ANKS1B: variants seen among roughly 807,000 people sequenced by gnomAD.
ANKS1B encodes ankyrin repeat and sterile alpha motif domain containing 1B.
In ANKS1B, 36 loss-of-function variants were observed where a neutral mutation model predicts 148.3. The observed-to-expected ratio is 0.24, with a 90% CI of 0.19 to 0.32. ANKS1B has a LOEUF of 0.32. ANKS1B is among the 10% of genes least tolerant of loss of function. The probability of loss-of-function intolerance (pLI) is 1.00; values close to 1 mark genes in which losing one functional copy is unlikely to be tolerated. For missense variants in ANKS1B, 1,157 were observed against 1,542.6 expected, an observed-to-expected ratio of 0.75 and a Z score of 4.19; for synonymous variants, 542 against 560.8, an observed-to-expected ratio of 0.97 and a Z score of 0.47.
chr12:99,911,126 G>A (rs1020977079), intron 1 of ANKS1B, among the ~76,000 whole-genome samples: 2 of 152,078 alleles, frequency 1.3e-5, no homozygotes, highest in African/African-American at 4.8e-5. Flanking sequence ...AATCATTCTC[G>A]GTTTTACAGC....
chr12:98,822,615 T>C (rs2099207069), intron 19 of ANKS1B, among the ~76,000 whole-genome samples: 1 of 152,230 alleles, frequency 6.6e-6, no homozygotes, highest in Admixed American at 6.5e-5. Context: ...TGATATCTTC[T>C]TTTTCTTTTT....
intron 9 of ANKS1B, among the ~76,000 whole-genome samples, chr12:99,554,495 A>G (rs1201650830): frequency 3.3e-5 from 5 of 152,194 alleles, no homozygotes; most frequent in Non-Finnish European, 7.3e-5. Flanking sequence ...CATCCTGAAT[A>G]AGAAGATAAT....
chr12:99,214,053 T>C (rs541931383), intron 14 of ANKS1B, among the ~76,000 whole-genome samples: 92 of 152,198 alleles, frequency 6.0e-4, no homozygotes, highest in Middle Eastern at 3.4e-3. Flanking sequence ...CCAGAAGAAG[T>C]TTTAGAAAAA....
At chr12:98,973,201 C>T (rs1010357848) in intron 17 of ANKS1B, among the ~76,000 whole-genome samples, 1 of 139,624 alleles carries the variant, frequency 7.2e-6, no homozygotes, top group Non-Finnish European at 1.5e-5. Context: ...TCAGTTTAGA[C>T]TAAACGAAAT....
chr12:99,307,812 A>G (rs2082562934), intron 12 of ANKS1B, among the ~76,000 whole-genome samples: 1 of 151,962 alleles, frequency 6.6e-6, no homozygotes, highest in African/African-American at 2.4e-5. Context: ...ATCTAGGCCA[A>G]CCTTTTTTAT....
At chr12:98,895,254 C>T in intron 17 of ANKS1B, 2 of 985,402 alleles carry the variant, frequency 2.0e-6, no homozygotes, top group Non-Finnish European at 2.4e-6. Flanking sequence ...CCCAGGCACT[C>T]GCTGCTGCTG....
intron 12 of ANKS1B, among the ~76,000 whole-genome samples, chr12:99,314,902 G>A (rs2083766467): frequency 6.6e-6 from 1 of 152,092 alleles, no homozygotes; most frequent in African/African-American, 2.4e-5. Context: ...TGCGACAAAA[G>A]CAAAAACTGA....
chr12:99,813,104 C>T (rs2068635737), intron 2 of ANKS1B, among the ~76,000 whole-genome samples: 1 of 151,726 alleles, frequency 6.6e-6, no homozygotes. Context: ...ATTTAAAAGA[C>T]AAGTTCCACC....
At chr12:99,394,380 C>T (rs567827120) in intron 12 of ANKS1B, among the ~76,000 whole-genome samples, 2 of 152,214 alleles carry the variant, frequency 1.3e-5, no homozygotes, top group African/African-American at 2.4e-5. Flanking sequence ...TCTCCTCCAT[C>T]GTAACTTAAA....
chr12:99,317,708 A>G (rs2084405211), intron 12 of ANKS1B, among the ~76,000 whole-genome samples: 1 of 152,200 alleles, frequency 6.6e-6, no homozygotes, highest in Non-Finnish European at 1.5e-5. Context: ...TATGTTGAAT[A>G]GGAGTGGTGA....
rs992426551 is a variant in ANKS1B, at chr12:98,751,837, A to G, written c.3580-315T>C. Among the ~76,000 whole-genome samples, 1 of 152,224 alleles carries G rather than the reference A, an allele frequency of 6.6e-6. No homozygotes were observed. Among genetic ancestry groups the G allele is most frequent in the Non-Finnish European group, 1.5e-5 (1 of 68,024 alleles). ...TCCTAAATAAGATAGCTACAAAGAT[A>G]AAAAAGCTACATACCTCCCTCACAA... On this transcript the variant is annotated intron_variant, in intron 25 of 26. Coordinates refer to ENST00000683438, the MANE Select transcript of ANKS1B (RefSeq NM_001352186.2). This position sits in a 1 kb window ranked among gnomAD's most constrained non-coding sequence, Gnocchi z 4.3.
Position 99,669,919 on chromosome 12 carries a change from T to C in ANKS1B, c.1129-14709A>G, listed in dbSNP as rs192312122. ...TGGATTCAGGCAAAAAGCTGGGTGA[T>C]GGTAGGGTTTGCCTCCTTTGTATCT... On this transcript the variant is annotated intron_variant, in intron 8 of 26. Transcript: ENST00000683438. Among the ~76,000 whole-genome samples the C allele has an allele frequency of 1.3e-4, 20 of 152,264 alleles. No individual in the cohort carries two copies. The East Asian group carries it at 3.9e-3, about 29-fold the overall frequency.
intron 17 of ANKS1B, among the ~76,000 whole-genome samples, chr12:98,998,219 G>T (rs889282611): frequency 6.6e-6 from 1 of 152,330 alleles, no homozygotes; most frequent in Non-Finnish European, 1.5e-5. Context: ...TAACCAGAAA[G>T]ACACTGGAAT....
At chr12:98,838,837 A>G (rs1394799292) in intron 17 of ANKS1B, among the ~76,000 whole-genome samples, 1 of 152,210 alleles carries the variant, frequency 6.6e-6, no homozygotes, top group African/African-American at 2.4e-5. Flanking sequence ...TGCGGTGGAA[A>G]CTGATCTGCT....
Position 99,750,845 on chromosome 12 carries a change from C to T in ANKS1B, c.1128+22077G>A, listed in dbSNP as rs546562155. On this transcript the variant is annotated intron_variant, in intron 8 of 26. Coordinates refer to ENST00000683438, the MANE Select transcript of ANKS1B (RefSeq NM_001352186.2). ...GAGAGCCACCTGCTGATCCAGAATA[C>T]CTGTTTTAGACTTTAAATTGTTAAG... 8.5e-5 allele frequency among the ~76,000 whole-genome samples: 13 copies of T among 152,094 alleles called. No homozygotes were observed. In the South Asian group the frequency reaches 2.7e-3, roughly 32 times the overall value.
chr12:98,865,632 A>C (rs913971960), intron 17 of ANKS1B, among the ~76,000 whole-genome samples: 8 of 152,164 alleles, frequency 5.3e-5, no homozygotes, highest in African/African-American at 1.9e-4. Flanking sequence ...AAGGGTGATA[A>C]GAATCGACGT....
chr12:99,671,074 A>G (rs1001450817), intron 8 of ANKS1B, among the ~76,000 whole-genome samples: 1 of 152,184 alleles, frequency 6.6e-6, no homozygotes, highest in Non-Finnish European at 1.5e-5. Context: ...AATTCCCATA[A>G]TTCAGATGTT....
At chr12:99,074,202 T>C (rs899248260) in intron 16 of ANKS1B, among the ~76,000 whole-genome samples, 2 of 152,108 alleles carry the variant, frequency 1.3e-5, no homozygotes, top group South Asian at 4.1e-4. Context: ...GGGATAGCAA[T>C]AGATCAGAAC....
chr12:99,092,562 T>C (rs984361679), intron 15 of ANKS1B, among the ~76,000 whole-genome samples: 2 of 151,886 alleles, frequency 1.3e-5, no homozygotes, highest in Non-Finnish European at 2.9e-5. Flanking sequence ...ATGCTGAACG[T>C]TTCCCAGTGC....
Sources: gnomAD v4.1 joint callset for allele counts (sites outside exome capture counted in the v4.1 genomes callset) on GRCh38, gnomAD v4.1.1 for gene constraint, Gnocchi (gnomAD v3.1) non-coding constraint, MANE v1.5 for transcripts, NCBI Gene and HGNC (gene_info 2026-07-23, HGNC 2026-07-21) for gene names.